The following FCGRT variants were observed in gnomAD, a reference collection of about 807,000 sequenced individuals.
FCGRT encodes the protein IgG receptor FcRn large subunit p51.
Under a neutral mutation model 35.7 loss-of-function variants are expected in FCGRT, and 13 were observed. The observed-to-expected ratio is 0.36, with a 90% CI of 0.24 to 0.58. The LOEUF (loss-of-function observed/expected upper bound fraction) is 0.58. FCGRT is among the 20% of genes least tolerant of loss of function. The pLI, the probability that FCGRT is intolerant of heterozygous loss-of-function variation, is 0.77. For synonymous variants in FCGRT, 233 were observed against 216.5 expected (o/e 1.08, Z -0.67); for missense variants, 455 against 474.9 (o/e 0.96, Z 0.39).
rs1048767818 is a variant in FCGRT, at chr19:49,525,617, A to AC, written c.988+48dup. The AC allele has an allele frequency of 2.2e-6, 3 of 1,370,554 alleles. No individual in the cohort carries two copies. The African/African-American group carries it at 4.3e-5, about 20-fold the overall frequency. 84.9% of individuals were successfully genotyped at this position (1,370,554 alleles called of 1,614,324 possible). On this transcript the variant is annotated intron_variant, in intron 6 of 6. Transcript: ENST00000221466. The stretch of plus-strand genomic sequence containing the variant: ...AAGAGCCTCTGAGAGAGGGACAGAG[A>AC]CCCCAAGAGAGGGGCACACAGACCT...
intron 4 of FCGRT, among the ~76,000 whole-genome samples, chr19:49,518,360 C>CTTTTTTT (rs56352202): frequency 3.8e-5 from 5 of 133,012 alleles, no homozygotes; most frequent in African/African-American, 8.4e-5. Flanking sequence ...TTCTTTCTTT[C>CTTTTTTT]TTTTTTTTTT....
intron 5 of FCGRT, chr19:49,525,014 A>G (rs777180528): frequency 1.5e-6 from 1 of 659,930 alleles, no homozygotes; most frequent in South Asian, 1.5e-5. Context: ...GTTAACTACC[A>G]TGGCCAGTCC....
At position 49,513,964 on chromosome 19, in the gene FCGRT, G is replaced by C. The variant is rs771581989; in HGVS notation, c.156G>C (p.Trp52Cys). The change falls in exon 3 of 7, where the codon TGG becomes TGC. Residue 52 changes from tryptophan (W) to cysteine (C), a missense_variant. Trp to Cys is a radical substitution (Grantham distance 215). Around this residue, in one of 3 missense-constraint regions of FCGRT, gnomAD observed 136 missense variants for 158.9 expected, o/e 0.86. Transcript: ENST00000221466. ...CTCCTGCCTTCTGGGTGTCCGGCTG[G>C]CTGGGCCCGCAGCAGTACCTGAGCT... ...PGTPAFWVSG[W>C]LGPQQYLSYN... 15 of 1,613,992 alleles carry C rather than the reference G, an allele frequency of 9.3e-6. No individual in the cohort carries two copies. In the African/African-American group the frequency reaches 1.9e-4, roughly 20 times the overall value.
intron 4 of FCGRT, among the ~76,000 whole-genome samples, chr19:49,520,431 C>T (rs935418838): frequency 2.6e-5 from 4 of 151,684 alleles, no homozygotes; most frequent in South Asian, 2.1e-4. Context: ...CTGCAACCTC[C>T]GCCTCCTGGA....
rs1167172470 is a variant in FCGRT, at chr19:49,524,764, A to G, written c.859A>G (p.Arg287Gly). Residue 287 changes from arginine (R) to glycine (G), a missense_variant, in exon 5 of 7, where the codon AGG becomes GGG. Coordinates refer to ENST00000221466, the MANE Select transcript of FCGRT (RefSeq NM_001136019.3). ...VQHAGLAQPLRVELESPAKSS... is the reference protein window; with the variant it reads ...VQHAGLAQPLGVELESPAKSS... Reference sequence around the variant, plus strand: ...GCACGCGGGGCTGGCGCAGCCCCTCAGGGTGGAGCTGGGTGAGGTCCCGCC... The same window carrying G: ...GCACGCGGGGCTGGCGCAGCCCCTCGGGGTGGAGCTGGGTGAGGTCCCGCC... The G allele has an allele frequency of 1.2e-6, 2 of 1,600,188 alleles. No homozygotes were observed. The highest frequency in any genetic ancestry group is 8.5e-7 in the Non-Finnish European group (1 of 1,179,606).
At position 49,525,461 on chromosome 19, in the gene FCGRT, T is replaced by A. The variant is rs140449664; in HGVS notation, c.876T>A (p.Ser292=). ...LAQPLRVELE[S]PAKSSVLVVG... Reference sequence around the variant, plus strand: ...CACAGCGTTCTCTGGCTGCAGAATCTCCAGCCAAGTCCTCCGTGCTCGTGG... The same window carrying A: ...CACAGCGTTCTCTGGCTGCAGAATCACCAGCCAAGTCCTCCGTGCTCGTGG... Residue 292 remains serine (S), a synonymous_variant, in exon 6 of 7, where the codon TCT becomes TCA. Coordinates refer to ENST00000221466, the MANE Select transcript of FCGRT (RefSeq NM_001136019.3). 2.6e-5 allele frequency: 42 copies of A among 1,613,150 alleles called. No homozygotes were observed. In the Middle Eastern group the frequency reaches 6.6e-4, roughly 25 times the overall value.
chr19:49,524,139 C>T (rs1451884541), intron 4 of FCGRT, among the ~76,000 whole-genome samples: 3 of 151,862 alleles, frequency 2.0e-5, no homozygotes, highest in African/African-American at 7.3e-5. Flanking sequence ...CTGCCTCAGC[C>T]TCCTGAGTAG....
chr19:49,518,947 A>T (rs377357872), intron 4 of FCGRT, among the ~76,000 whole-genome samples: 1 of 151,284 alleles, frequency 6.6e-6, no homozygotes, highest in Non-Finnish European at 1.5e-5. Flanking sequence ...AGTTGCACCA[A>T]TTCTCCTGCC....
intron 4 of FCGRT, chr19:49,515,190 C>T (rs1365389478): frequency 1.3e-5 from 2 of 151,778 alleles, no homozygotes; most frequent in African/African-American, 4.9e-5. Flanking sequence ...CGGTGTCTCA[C>T]TATGTTGCCC....
chr19:49,526,069 G>A lies in FCGRT; in HGVS notation c.1048G>A (p.Ala350Thr). 1 of 1,613,756 alleles carries A rather than the reference G, an allele frequency of 6.2e-7. No individual in the cohort carries two copies. The highest frequency in any genetic ancestry group is 8.5e-7 in the Non-Finnish European group (1 of 1,179,832). ...GGTCCTCCTGCCCACCCCAGGGGAGGCCCAGGATGCTGATTTGAAGGATGT... is the reference window on the plus strand; with the variant it reads ...GGTCCTCCTGCCCACCCCAGGGGAGACCCAGGATGCTGATTTGAAGGATGT... ...TGVLLPTPGE[A>T]QDADLKDVNV... Residue 350 changes from alanine (A) to threonine (T), a missense_variant, in exon 7 of 7, where the codon GCC becomes ACC. By Grantham distance (58) the Ala-to-Thr change is moderately conservative (BLOSUM62 0). Coordinates refer to ENST00000221466, the MANE Select transcript of FCGRT (RefSeq NM_001136019.3).
At chr19:49,519,826 C>CTTTTTT (rs57437959) in intron 4 of FCGRT, among the ~76,000 whole-genome samples, 14 of 116,854 alleles carry the variant, frequency 1.2e-4, no homozygotes, top group Non-Finnish European at 2.3e-4. Context: ...TTGCCTTAAT[C>CTTTTTT]TTTTTTTTTT....
At chr19:49,518,360 CTTTTT>C (rs56352202) in intron 4 of FCGRT, among the ~76,000 whole-genome samples, 1 of 132,994 alleles carries the variant, frequency 7.5e-6, no homozygotes, top group Non-Finnish European at 1.6e-5. Flanking sequence ...TTCTTTCTTT[CTTTTT>C]TTTTTTTTTT....
chr19:49,513,714 G>GTCTCTC (rs139316391), intron 2 of FCGRT, 168 bp from the exon 3 acceptor site: 64 of 532,130 alleles, frequency 1.2e-4, no homozygotes, highest in African/African-American at 2.2e-4. Context: ...TGGGTCTCTT[G>GTCTCTC]TCTCTCTCTC....
intron 4 of FCGRT, among the ~76,000 whole-genome samples, chr19:49,517,336 C>T (rs555483544): frequency 6.6e-6 from 1 of 152,124 alleles, no homozygotes; most frequent in Admixed American, 6.6e-5. Flanking sequence ...ACTAAACATA[C>T]AAAAATTAGC....
intron 4 of FCGRT, 78 bp from the exon 5 acceptor site, chr19:49,524,429 C>T: frequency 2.0e-6 from 3 of 1,482,702 alleles, no homozygotes; most frequent in South Asian, 1.2e-5. Flanking sequence ...ACATGGAGGC[C>T]TCTTTCTGTC....
rs1424918091 is a variant in FCGRT, at chr19:49,525,564, G to A, written c.979G>A (p.Gly327Arg). Residue 327 changes from glycine to arginine, a missense_variant, in exon 6 of 7, where the codon GGG (glycine) becomes AGG (arginine). Physicochemically the swap from Gly to Arg is moderately radical, Grantham distance 125. Coordinates refer to ENST00000221466, the MANE Select transcript of FCGRT (RefSeq NM_001136019.3). The stretch of plus-strand genomic sequence containing the variant: ...TCTGTTGTGGAGAAGGATGAGGAGT[G>A]GGCTGCCAGGTGGGGGGCAGCGGGA... Reference protein sequence around the residue: ...GALLWRRMRSGLPAPWISLRG... With the variant: ...GALLWRRMRSRLPAPWISLRG... 3 of 1,610,712 alleles carry A rather than the reference G, an allele frequency of 1.9e-6. No individual in the cohort carries two copies. In the South Asian group the frequency reaches 3.3e-5, roughly 18 times the overall value.
intron 4 of FCGRT, among the ~76,000 whole-genome samples, chr19:49,518,851 C>A (rs2080023994): frequency 6.6e-6 from 1 of 150,826 alleles, no homozygotes; most frequent in Admixed American, 6.6e-5. Context: ...TTGTTTTTTT[C>A]TTTTTTTTGG....
At chr19:49,514,962 G>T (rs2079999059) in intron 4 of FCGRT, among the ~76,000 whole-genome samples, 1 of 151,202 alleles carries the variant, frequency 6.6e-6, no homozygotes. Flanking sequence ...AAAGTGCTGG[G>T]ATTACAGGCA....
At chr19:49,514,671 C>T (rs1326994196) in intron 4 of FCGRT, among the ~76,000 whole-genome samples, 185 bp downstream of exon 4, 1 of 151,872 alleles carries the variant, frequency 6.6e-6, no homozygotes, top group African/African-American at 2.4e-5. Flanking sequence ...GGACAAACTC[C>T]TGGCTTCCTT....
Sources: allele counts gnomAD v4.1 joint callset (sites outside exome capture counted in the v4.1 genomes callset), GRCh38; gene constraint gnomAD v4.1.1; regional missense constraint gnomAD v4.1.1; transcripts MANE v1.5; gene names NCBI Gene and HGNC (gene_info 2026-07-23, HGNC 2026-07-21).